Variants in BACE2 observed in about 807,000 individuals in gnomAD.
BACE2 encodes the protein 56 kDa aspartic-like protease.
BACE2 carries 17 observed loss-of-function variants against 46.2 expected under a neutral mutation model. That is an observed-to-expected ratio of 0.37 (90% CI 0.25 to 0.55). The LOEUF (loss-of-function observed/expected upper bound fraction) is 0.55. Among genes scored for constraint, BACE2 ranks in the 20% least tolerant of loss-of-function variants. The pLI is 0.82. For missense variants in BACE2, 595 were observed against 698.1 expected, an observed-to-expected ratio of 0.85 and a Z score of 1.66; for synonymous variants, 277 against 295.9, an observed-to-expected ratio of 0.94 and a Z score of 0.66.
chr21:41,213,554 C>G (rs1418317163), intron 1 of BACE2, among the ~76,000 whole-genome samples: 2 of 152,170 alleles, frequency 1.3e-5, no homozygotes, highest in African/African-American at 4.8e-5. Flanking sequence ...GCGGGCGGAT[C>G]ACCAGGTCAG....
chr21:41,244,118 G>C (rs1987385402), intron 5 of BACE2, among the ~76,000 whole-genome samples: 1 of 152,106 alleles, frequency 6.6e-6, no homozygotes, highest in Non-Finnish European at 1.5e-5. Context: ...TGATTATGAT[G>C]ACTTGTGAGA....
Position 41,193,222 on chromosome 21 carries a change from G to A in BACE2, c.312+24647G>A, listed in dbSNP as rs1205055776. On this transcript the variant is annotated intron_variant, in intron 1 of 8. Coordinates refer to ENST00000330333, the MANE Select transcript of BACE2 (RefSeq NM_012105.5). The surrounding 1 kb of genome is among the most constrained non-coding windows in gnomAD (Gnocchi z 4.2). ...GGTAGGACAGTAAAGGTGTATTGCC[G>A]GCCTTGCCAGCGGAAGGCAAATTGC... Among the ~76,000 whole-genome samples the A allele has an allele frequency of 2.6e-5, 4 of 152,154 alleles. No homozygotes were observed. Among genetic ancestry groups the A allele is most frequent in the East Asian group, 3.9e-4 (2 of 5,186 alleles).
chr21:41,197,290 T>A (rs1186993712), intron 1 of BACE2, among the ~76,000 whole-genome samples: 2 of 149,766 alleles, frequency 1.3e-5, no homozygotes, highest in Non-Finnish European at 3.0e-5. Flanking sequence ...TTTTTTTTTT[T>A]AAAGAAATAC....
rs183326882 is a variant in BACE2 at position 41,192,822 on chromosome 21, A to C, written c.312+24247A>C. 9.2e-5 allele frequency among the ~76,000 whole-genome samples: 14 copies of C among 152,364 alleles called. No homozygotes were observed. The East Asian group carries it at 1.9e-3, about 21-fold the overall frequency. The stretch of plus-strand genomic sequence containing the variant: ...ATAAATGGGCTGGAGTAACACACCC[A>C]AATGAGGAATGTGTTCCCTCCGAAA... On this transcript the variant is annotated intron_variant, in intron 1 of 8. Coordinates refer to ENST00000330333, the MANE Select transcript of BACE2 (RefSeq NM_012105.5).
intron 1 of BACE2, among the ~76,000 whole-genome samples, chr21:41,194,014 C>A (rs550080988): frequency 3.3e-5 from 5 of 152,294 alleles, no homozygotes; most frequent in Non-Finnish European, 5.9e-5. Flanking sequence ...GGTCCTTCCT[C>A]AAGGGGACCC....
chr21:41,257,725 C>T (rs2837997), intron 8 of BACE2, among the ~76,000 whole-genome samples: 14,863 of 152,166 alleles, frequency 0.098, 832 homozygotes, highest in African/African-American at 0.15. Flanking sequence ...AGGAAATGAA[C>T]ACCTATCGTT....
chr21:41,217,274 C>T lies in BACE2; in HGVS notation c.313-8992C>T, dbSNP rs191971545. ...CTGTGACTTTCAATGGCCAAGAAAA[C>T]GTATTTCCTACTGTTGTGCAATTAG... On this transcript the variant is annotated intron_variant, in intron 1 of 8. Transcript: ENST00000330333. 3.3e-5 allele frequency among the ~76,000 whole-genome samples: 5 copies of T among 152,298 alleles called. No homozygotes were observed. The East Asian group carries it at 7.7e-4, about 24-fold the overall frequency.
chr21:41,217,026 G>T (rs1986490107), intron 1 of BACE2, among the ~76,000 whole-genome samples: 1 of 152,214 alleles, frequency 6.6e-6, no homozygotes. Context: ...CTGCCTCTTG[G>T]GTTCAAGCAA....
intron 1 of BACE2, among the ~76,000 whole-genome samples, chr21:41,207,625 C>A (rs58935427): frequency 1.3e-5 from 2 of 152,064 alleles, no homozygotes; most frequent in Admixed American, 1.3e-4. Context: ...TCCCCAACCC[C>A]GCCCCACTGA....
intron 1 of BACE2, among the ~76,000 whole-genome samples, chr21:41,189,064 G>A (rs1250132344): frequency 6.6e-6 from 1 of 152,156 alleles, no homozygotes; most frequent in Non-Finnish European, 1.5e-5. Context: ...CGATGCTGTT[G>A]ATAAGTCTGA....
At position 41,257,184 on chromosome 21, in the gene BACE2, C is replaced by A. The variant is rs143572510; in HGVS notation, c.1161C>A (p.Ala387=). Residue 387 remains alanine (A), a synonymous_variant, in exon 8 of 9, where the codon GCC becomes GCA. Transcript: ENST00000330333. The part of the protein sequence containing the change: ...PQLYIQPMMG[A]GLNYECYRFG... ...TTTACATTCAGCCCATGATGGGGGC[C>A]GGCCTGAATTATGAATGTTACCGAT... 1.9e-6 allele frequency: 3 copies of A among 1,614,016 alleles called. No homozygotes were observed. The highest frequency in any genetic ancestry group is 1.3e-5 in the African/African-American group (1 of 74,892).
At chr21:41,212,954 T>C (rs1986345724) in intron 1 of BACE2, among the ~76,000 whole-genome samples, 1 of 152,232 alleles carries the variant, frequency 6.6e-6, no homozygotes, top group Admixed American at 6.5e-5. Context: ...TCTAAATTAA[T>C]TCTTTGCACA....
At chr21:41,254,959 G>C (rs537236721) in intron 7 of BACE2, among the ~76,000 whole-genome samples, 1 of 152,350 alleles carries the variant, frequency 6.6e-6, no homozygotes, top group South Asian at 2.1e-4. Flanking sequence ...CCCAAGAGAC[G>C]AGGACAGTGA....
chr21:41,170,632 G>A (rs933701378), intron 1 of BACE2, among the ~76,000 whole-genome samples: 5 of 152,154 alleles, frequency 3.3e-5, no homozygotes, highest in Non-Finnish European at 7.4e-5. Flanking sequence ...GGCTAGAGGG[G>A]GCAGCAGTGA....
At chr21:41,213,085 A>T (rs566462633) in intron 1 of BACE2, among the ~76,000 whole-genome samples, 16 of 152,328 alleles carry the variant, frequency 1.1e-4, no homozygotes, top group African/African-American at 3.6e-4. Flanking sequence ...ATGCTTCCCC[A>T]TCTGAAGGAA....
intron 1 of BACE2, among the ~76,000 whole-genome samples, chr21:41,197,812 G>C (rs1985794181): frequency 6.6e-6 from 1 of 152,166 alleles, no homozygotes; most frequent in Non-Finnish European, 1.5e-5. Flanking sequence ...CATCATTCAT[G>C]AGGGCAGAGC....
At chr21:41,210,016 A>G (rs1986248784) in intron 1 of BACE2, among the ~76,000 whole-genome samples, 1 of 151,754 alleles carries the variant, frequency 6.6e-6, no homozygotes, top group Non-Finnish European at 1.5e-5. Context: ...TAACCAACCT[A>G]TCACCCCAGG....
At chr21:41,239,122 C>T (rs897129638) in intron 3 of BACE2, among the ~76,000 whole-genome samples, 3 of 151,988 alleles carry the variant, frequency 2.0e-5, no homozygotes, top group African/African-American at 7.3e-5. Flanking sequence ...CCCCCACTGT[C>T]CCATGAGGAT....
chr21:41,223,462 C>T (rs1334915402), intron 1 of BACE2, among the ~76,000 whole-genome samples: 5 of 152,150 alleles, frequency 3.3e-5, no homozygotes, highest in South Asian at 2.1e-4. Flanking sequence ...CAGGTGGAGC[C>T]GTCCTTTCCT....
Sources: gnomAD v4.1 joint callset for allele counts (sites outside exome capture counted in the v4.1 genomes callset) on GRCh38, gnomAD v4.1.1 for gene constraint, Gnocchi (gnomAD v3.1) non-coding constraint, MANE v1.5 for transcripts, NCBI Gene and HGNC (gene_info 2026-07-23, HGNC 2026-07-21) for gene names.